The following CNNM1 variants were observed in gnomAD, a reference collection of about 807,000 sequenced individuals.
CNNM1 encodes the protein metal transporter CNNM1.
A neutral mutation model predicts 78.8 loss-of-function variants in CNNM1; 44 were observed. The observed-to-expected ratio is 0.56, with a 90% CI of 0.44 to 0.72. CNNM1 has a LOEUF of 0.72. Ranked by LOEUF, CNNM1 falls within the 30% of genes least tolerant of loss-of-function variation. The probability of loss-of-function intolerance (pLI) is 0.00; values close to 1 mark genes in which losing one functional copy is unlikely to be tolerated. For synonymous variants in CNNM1, 584 were observed against 581.5 expected (o/e 1.00, Z -0.06); for missense variants, 1,101 against 1,292.2 (o/e 0.85, Z 2.27).
Position 99,329,909 on chromosome 10 carries a change from G to A in CNNM1, c.522G>A (p.Arg174=), listed in dbSNP as rs1273292694. 6 of 1,385,476 alleles carry A rather than the reference G, an allele frequency of 4.3e-6. No homozygotes were observed. Among genetic ancestry groups the A allele is most frequent in the South Asian group, 1.7e-5 (1 of 59,598 alleles). 85.8% of individuals were successfully genotyped at this position (1,385,476 alleles called of 1,614,324 possible). The stretch of plus-strand genomic sequence containing the variant: ...AGCTGCGCAAGGGCGAAGCGGAGCG[G>A]GGCGGCGCGGGCGGTGGCGGGAAGC... ...VRELRKGEAE[R]GGAGGGGKLF... Residue 174 remains arginine, a synonymous_variant, in exon 1 of 11, where the codon CGG becomes CGA. Coordinates refer to ENST00000356713, the MANE Select transcript of CNNM1 (RefSeq NM_020348.3).
intron 9 of CNNM1, among the ~76,000 whole-genome samples, chr10:99,389,294 G>A (rs1022269119): frequency 6.6e-6 from 1 of 151,724 alleles, no homozygotes; most frequent in African/African-American, 2.4e-5. Context: ...GTGGGTGCCT[G>A]TAATCCCAGC....
chr10:99,340,248 A>G (rs2030381466), intron 1 of CNNM1, among the ~76,000 whole-genome samples: 2 of 152,230 alleles, frequency 1.3e-5, no homozygotes, highest in Admixed American at 1.3e-4. Flanking sequence ...AATGCCAGGT[A>G]ACAATAGAAT....
chr10:99,330,155 G>A lies in CNNM1; in HGVS notation c.768G>A (p.Val256=). 6.5e-7 allele frequency: 1 copy of A among 1,539,716 alleles called. No homozygotes were observed. The highest frequency in any genetic ancestry group is 8.7e-7 in the Non-Finnish European group (1 of 1,149,042). The change falls in exon 1 of 11, where the codon GTG becomes GTA. Residue 256 remains valine (V), a synonymous_variant. Coordinates refer to ENST00000356713, the MANE Select transcript of CNNM1 (RefSeq NM_020348.3). ...LLSLDPVELR[V]LRNSGSAAEQ... is the part of the protein sequence containing the mutation. ...CGCTGGACCCGGTGGAGTTACGGGT[G>A]CTGCGGAACAGCGGCTCGGCCGCCG... is the stretch of plus-strand genomic sequence containing the variant.
Position 99,329,764 on chromosome 10 carries a change from GC to G in CNNM1, c.383del (p.Pro128ArgfsTer106). On this transcript the variant is annotated frameshift_variant, in exon 1 of 11. Coordinates refer to ENST00000356713, the MANE Select transcript of CNNM1 (RefSeq NM_020348.3). LOFTEE classifies it high-confidence loss of function. Reference protein sequence around the residue: ...GGVAPSAVPTRPPGPQRCREQ... With the variant: ...GGVAPSAVPTXPPGPQRCREQ... ...GTGGCCCCCAGCGCGGTCCCCACTC[GC>G]CCCCCGGGACCGCAGCGCTGCAGGG... 4.0e-6 allele frequency: 6 copies of G among 1,496,432 alleles called. No individual in the cohort carries two copies. Among genetic ancestry groups the G allele is most frequent in the East Asian group, 2.7e-5 (1 of 36,952 alleles). The allele number at this position is 1,496,432 out of a possible 1,614,324, so 92.7% of individuals were successfully genotyped here. A position where few individuals can be genotyped will look rare whatever the true frequency, so the allele number is the denominator to read the frequency against.
At chr10:99,367,973 C>T (rs140680153) in intron 6 of CNNM1, among the ~76,000 whole-genome samples, 1 of 152,336 alleles carries the variant, frequency 6.6e-6, no homozygotes, top group East Asian at 1.9e-4. Context: ...CGGAGAGATA[C>T]TTTGGACCAC....
At position 99,362,210 on chromosome 10, in the gene CNNM1, C is replaced by A; in HGVS notation, c.1859-17C>A. 1 of 1,592,668 alleles carries A rather than the reference C, an allele frequency of 6.3e-7. No homozygotes were observed. The highest frequency in any genetic ancestry group is 8.5e-7 in the Non-Finnish European group (1 of 1,170,548). ...CAGCTGATGCTGATTCCTCCCTTCC[C>A]ACTCACTCTCCTCTAGAAGTGGAGC... On this transcript the variant is annotated splice_polypyrimidine_tract_variant and intron_variant, in intron 3 of 10. Transcript: ENST00000356713.
At chr10:99,358,682 C>T (rs2031314909) in intron 2 of CNNM1, among the ~76,000 whole-genome samples, 1 of 152,158 alleles carries the variant, frequency 6.6e-6, no homozygotes, top group Non-Finnish European at 1.5e-5. Context: ...CCTCCAAGAG[C>T]CTGGGCACTG....
chr10:99,357,424 C>G, intron 1 of CNNM1, 88 bp from the exon 2 acceptor site: 3 of 1,380,350 alleles, frequency 2.2e-6, no homozygotes, highest in Non-Finnish European at 3.0e-6. Flanking sequence ...TGAGATTGGT[C>G]AGACAGCAAC....
rs369335337 is a variant in CNNM1 at position 99,357,544 on chromosome 10, A to T, written c.1606A>T (p.Asn536Tyr). The change falls in exon 2 of 11, where the codon AAT becomes TAT. Residue 536 changes from asparagine to tyrosine, a missense_variant. Physicochemically the swap from Asn to Tyr is moderately radical, Grantham distance 143. Coordinates refer to ENST00000356713, the MANE Select transcript of CNNM1 (RefSeq NM_020348.3). ...KSHLAIVQRVNNEGEGDPFYE... is the reference protein window; with the variant it reads ...KSHLAIVQRVYNEGEGDPFYE... ...TCACCTGGCCATTGTCCAGCGGGTG[A>T]ATAATGAGGGAGAAGGGGACCCTTT... 4.3e-6 allele frequency: 7 copies of T among 1,613,562 alleles called. No homozygotes were observed. Among genetic ancestry groups the T allele is most frequent in the Non-Finnish European group, 5.1e-6 (6 of 1,179,746 alleles).
At chr10:99,353,511 G>GTCTCAAGA (rs2031021448) in intron 1 of CNNM1, among the ~76,000 whole-genome samples, 2 of 152,194 alleles carry the variant, frequency 1.3e-5, no homozygotes, top group Non-Finnish European at 2.9e-5. Flanking sequence ...ACTTGTGCTT[G>GTCTCAAGA]TCTCAAGATT....
intron 1 of CNNM1, among the ~76,000 whole-genome samples, chr10:99,344,162 G>A (rs567092687): frequency 5.9e-5 from 9 of 151,414 alleles, no homozygotes; most frequent in South Asian, 2.1e-4. Context: ...GTGAAACCCC[G>A]TCTCTACAAA....
In CNNM1 at chr10:99,330,926, C is replaced by T. The variant is rs766328190; in HGVS notation, c.1539C>T (p.Thr513=). 38 of 1,613,772 alleles carry T rather than the reference C, an allele frequency of 2.4e-5. No homozygotes were observed. Among genetic ancestry groups the T allele is most frequent in the Non-Finnish European group, 3.1e-5 (37 of 1,179,910 alleles). The change falls in exon 1 of 11, where the codon ACC becomes ACT. Residue 513 remains threonine, a synonymous_variant. Transcript: ENST00000356713. ...NRPLHCVFND[T]RLDTVLEEFK... Reference sequence around the variant, plus strand: ...CCCTGCATTGTGTTTTCAATGACACCCGACTGGACACGGTTCTGGAGGAGT... The same window carrying T: ...CCCTGCATTGTGTTTTCAATGACACTCGACTGGACACGGTTCTGGAGGAGT...
intron 1 of CNNM1, among the ~76,000 whole-genome samples, chr10:99,356,598 A>AAGAAAGAAAGAAAGAAAGAC (rs2031211171): frequency 7.7e-6 from 1 of 129,828 alleles, no homozygotes. Context: ...GAAAGAAAGA[A>AAGAAAGAAAGAAAGAAAGAC]AGAAAGAAAA....
intron 5 of CNNM1, 36 bp downstream of exon 5, chr10:99,364,552 T>C: frequency 6.6e-7 from 1 of 1,523,688 alleles, no homozygotes; most frequent in Non-Finnish European, 9.0e-7. Context: ...GGGAAAGTAA[T>C]GGGATATGGT....
intron 1 of CNNM1, among the ~76,000 whole-genome samples, chr10:99,336,207 A>G (rs1262052595): frequency 6.6e-6 from 1 of 152,236 alleles, no homozygotes; most frequent in Non-Finnish European, 1.5e-5. Context: ...GTGATGTCCT[A>G]GCAGTCATAA....
At chr10:99,334,376 G>A (rs994834201) in intron 1 of CNNM1, among the ~76,000 whole-genome samples, 2 of 152,104 alleles carry the variant, frequency 1.3e-5, no homozygotes, top group African/African-American at 4.8e-5. Context: ...TTTTTGGCTG[G>A]GCGCAGTGGC....
chr10:99,365,442 T>G (rs2134055091), intron 6 of CNNM1, among the ~76,000 whole-genome samples: 1 of 152,332 alleles, frequency 6.6e-6, no homozygotes, highest in South Asian at 2.1e-4. Context: ...GATTTGGGGA[T>G]GTAAGTTCCA....
chr10:99,344,267 G>A (rs532686291), intron 1 of CNNM1, among the ~76,000 whole-genome samples: 54 of 150,974 alleles, frequency 3.6e-4, no homozygotes, highest in African/African-American at 1.2e-3. Context: ...GGGAGGTGGA[G>A]GTTGCAGTGA....
chr10:99,382,875 A>G (rs1477559197), intron 7 of CNNM1, among the ~76,000 whole-genome samples: 5 of 152,244 alleles, frequency 3.3e-5, no homozygotes, highest in African/African-American at 1.2e-4. Flanking sequence ...CACTACTTTC[A>G]GAATAAACAG....
Sources: gnomAD v4.1 joint callset for allele counts (sites outside exome capture counted in the v4.1 genomes callset) on GRCh38, gnomAD v4.1.1 for gene constraint, MANE v1.5 for transcripts, NCBI Gene and HGNC (gene_info 2026-07-23, HGNC 2026-07-21) for gene names.